ACCSL: variants seen among roughly 807,000 people sequenced by gnomAD.
ACCSL encodes the protein probable inactive 1-aminocyclopropane-1-carboxylate synthase-like protein 2.
A neutral mutation model predicts 61.7 loss-of-function variants in ACCSL; 55 were observed. The ratio of observed to expected loss-of-function variants is 0.89; its 90% CI spans 0.72 to 1.12. The LOEUF is 1.12. Ranked by LOEUF, ACCSL falls within the 50% of genes most tolerant of loss-of-function variation. The pLI is 0.00. For synonymous variants in ACCSL, 258 were observed against 264.3 expected (o/e 0.98, Z 0.23); for missense variants, 632 against 698.0 (o/e 0.91, Z 1.07).
At chr11:43,960,913 G>T in the ACCSL span, among the ~76,000 whole-genome samples, 12 of 152,150 alleles carry the variant, frequency 7.9e-5, no homozygotes, top group African/African-American at 2.9e-4. Context: ...CCGCTTCCTG[G>T]GTTCAAGCGA....
intron 11 of ACCSL, among the ~76,000 whole-genome samples, chr11:44,057,306 G>C (rs1952677445): frequency 6.6e-6 from 1 of 152,200 alleles, no homozygotes; most frequent in Non-Finnish European, 1.5e-5. Flanking sequence ...GAAACAAACT[G>C]ATGTCATTAT....
chr11:43,974,871 T>C, the ACCSL span, among the ~76,000 whole-genome samples: 1 of 152,156 alleles, frequency 6.6e-6, no homozygotes, highest in Non-Finnish European at 1.5e-5. Flanking sequence ...CATTTGAGAC[T>C]CTGAGCCAGA....
At chr11:43,929,345 A>G in the ACCSL span, among the ~76,000 whole-genome samples, 2 of 152,126 alleles carry the variant, frequency 1.3e-5, no homozygotes, top group African/African-American at 4.8e-5. Context: ...TCAGCCTCCT[A>G]AGTAGCTGGG....
chr11:44,053,848 T>G (rs1480644509), intron 8 of ACCSL, among the ~76,000 whole-genome samples: 1 of 152,066 alleles, frequency 6.6e-6, no homozygotes, highest in African/African-American at 2.4e-5. Context: ...GGCAATAGAG[T>G]GAGACTTTGT....
the ACCSL span, among the ~76,000 whole-genome samples, chr11:44,027,858 C>T: frequency 6.6e-6 from 1 of 152,170 alleles, no homozygotes; most frequent in African/African-American, 2.4e-5. Context: ...GATATTTAAG[C>T]TTAAAAAGTG....
Position 44,048,168 on chromosome 11 carries a change from C to T in ACCSL, c.132C>T (p.Phe44=), listed in dbSNP as rs748197340. 1.8e-5 allele frequency: 29 copies of T among 1,614,060 alleles called. No homozygotes were observed. Among genetic ancestry groups the T allele is most frequent in the African/African-American group, 6.7e-5 (5 of 74,932 alleles). Residue 44 remains phenylalanine (F), a synonymous_variant, in exon 1 of 14, where the codon TTC becomes TTT. Transcript: ENST00000378832. ...LHLQQAMTEH[F]VQLTSRQGLS... is the part of the protein sequence containing the mutation. Reference sequence around the variant, plus strand: ...TGCAGCAGGCCATGACGGAGCACTTCGTGCAGCTGACGAGCAGACAGGGCC... The same window carrying T: ...TGCAGCAGGCCATGACGGAGCACTTTGTGCAGCTGACGAGCAGACAGGGCC...
At chr11:44,053,356 G>A (rs770417311) in intron 7 of ACCSL, 50 bp from the exon 8 acceptor site, 2 of 1,567,470 alleles carry the variant, frequency 1.3e-6, no homozygotes, top group Admixed American at 1.7e-5. Flanking sequence ...TGAATTTAGG[G>A]TAGATGCTAA....
the ACCSL span, among the ~76,000 whole-genome samples, chr11:44,040,213 T>C: frequency 2.6e-5 from 4 of 152,214 alleles, no homozygotes; most frequent in Admixed American, 6.5e-5. Flanking sequence ...TGTGTTTTAA[T>C]TGGGAGTCCC....
chr11:43,922,793 TAGC>T, the ACCSL span, among the ~76,000 whole-genome samples: 3 of 152,210 alleles, frequency 2.0e-5, no homozygotes, highest in Non-Finnish European at 4.4e-5. Context: ...CCCAAACTCA[TAGC>T]AGGCTTTTTC....
chr11:44,038,381 C>G, the ACCSL span, among the ~76,000 whole-genome samples: 2 of 152,140 alleles, frequency 1.3e-5, no homozygotes, highest in Non-Finnish European at 2.9e-5. Context: ...TATGTGGGAA[C>G]ATAGGCATGG....
chr11:44,022,065 T>TG, the ACCSL span, among the ~76,000 whole-genome samples: 2,915 of 152,098 alleles, frequency 0.019, 110 homozygotes, highest in African/African-American at 0.067. Context: ...CCTTCAGATT[T>TG]TTTTTTTTGC....
the ACCSL span, chr11:43,943,418 G>A: frequency 2.8e-6 from 4 of 1,444,234 alleles, no homozygotes; most frequent in Admixed American, 2.3e-5. This position sits in a 1 kb window ranked among gnomAD's most constrained non-coding sequence, Gnocchi z 4.8. Context: ...CTCCCGCCCC[G>A]CTGCGAACCG....
At chr11:43,976,033 G>C in the ACCSL span, among the ~76,000 whole-genome samples, 3 of 152,184 alleles carry the variant, frequency 2.0e-5, no homozygotes, top group East Asian at 1.9e-4. Context: ...ATTGAATATA[G>C]TGTGTATAGG....
chr11:44,052,013 T>A (rs1166348524), intron 5 of ACCSL, among the ~76,000 whole-genome samples: 3 of 152,194 alleles, frequency 2.0e-5, no homozygotes, highest in Non-Finnish European at 4.4e-5. Flanking sequence ...TCAGCTGCAA[T>A]ACAGACAGCC....
chr11:43,925,972 G>A, the ACCSL span, among the ~76,000 whole-genome samples: 4 of 152,286 alleles, frequency 2.6e-5, no homozygotes, highest in South Asian at 8.3e-4. Flanking sequence ...TATGCTGGGT[G>A]GGCGGTCCTT....
chr11:43,964,122 A>G, the ACCSL span, among the ~76,000 whole-genome samples: 5 of 152,158 alleles, frequency 3.3e-5, no homozygotes, highest in Non-Finnish European at 5.9e-5. Flanking sequence ...AGGTTGAATC[A>G]GTAATAGAAA....
chr11:43,975,913 G>T, the ACCSL span, among the ~76,000 whole-genome samples: 1 of 152,074 alleles, frequency 6.6e-6, no homozygotes, highest in Non-Finnish European at 1.5e-5. Context: ...GCCCAGTCTG[G>T]ATCTTAATTA....
the ACCSL span, among the ~76,000 whole-genome samples, chr11:43,937,672 C>T: frequency 2.6e-5 from 4 of 152,152 alleles, no homozygotes; most frequent in African/African-American, 9.7e-5. Context: ...ACCCCGCCCC[C>T]TCCAAAACTG....
At chr11:44,010,856 T>C in the ACCSL span, among the ~76,000 whole-genome samples, 1 of 152,282 alleles carries the variant, frequency 6.6e-6, no homozygotes, top group South Asian at 2.1e-4. Context: ...AGAGCTAGGA[T>C]TGAGGAATTT....
Sources: allele counts gnomAD v4.1 joint callset (sites outside exome capture counted in the v4.1 genomes callset), GRCh38; gene constraint gnomAD v4.1.1; non-coding constraint Gnocchi (gnomAD v3.1); transcripts MANE v1.5; gene names NCBI Gene and HGNC (gene_info 2026-07-23, HGNC 2026-07-21).